The following PLCXD3 variants were observed in gnomAD, a reference collection of about 807,000 sequenced individuals.
PLCXD3 encodes phosphatidylinositol specific phospholipase C X domain containing 3, also known as PI-PLC X domain-containing protein 3.
In PLCXD3, 19 loss-of-function variants were observed where a neutral mutation model predicts 25.5. The ratio of observed to expected loss-of-function variants is 0.75; its 90% confidence interval spans 0.52 to 1.09. The LOEUF (loss-of-function observed/expected upper bound fraction) is 1.09. PLCXD3 is among the 50% of genes least tolerant of loss of function. The pLI, the probability that PLCXD3 is intolerant of heterozygous loss-of-function variation, is 0.00. For missense variants in PLCXD3, 411 were observed against 388.1 expected, an observed-to-expected ratio of 1.06 and a Z score of -0.50; for synonymous variants, 174 against 137.6, an observed-to-expected ratio of 1.26 and a Z score of -1.85.
intron 1 of PLCXD3, among the ~76,000 whole-genome samples, chr5:41,498,949 C>T (rs770498378): frequency 2.6e-5 from 4 of 151,474 alleles, no homozygotes; most frequent in Non-Finnish European, 5.9e-5. Context: ...TGATAAAATT[C>T]AACATCTTTT....
At chr5:41,410,439 G>A (rs986994612) in intron 1 of PLCXD3, among the ~76,000 whole-genome samples, 4 of 151,858 alleles carry the variant, frequency 2.6e-5, no homozygotes, top group Non-Finnish European at 4.4e-5. Flanking sequence ...CGCTGTGCCC[G>A]TCCCCCGCCC....
intron 1 of PLCXD3, among the ~76,000 whole-genome samples, chr5:41,403,401 G>GTTTGTTTTTGTT (rs1554047951): frequency 5.4e-5 from 1 of 18,412 alleles, no homozygotes. Flanking sequence ...CTTATTTGTT[G>GTTTGTTTTTGTT]TTTTTTTTTT....
intron 1 of PLCXD3, among the ~76,000 whole-genome samples, chr5:41,409,981 T>C (rs1384108928): frequency 6.6e-6 from 1 of 152,032 alleles, no homozygotes; most frequent in Non-Finnish European, 1.5e-5. Context: ...TTTCACCAAA[T>C]GAATGAATGA....
chr5:41,373,899 C>T (rs567925981), intron 2 of PLCXD3, among the ~76,000 whole-genome samples: 1 of 152,026 alleles, frequency 6.6e-6, no homozygotes, highest in Non-Finnish European at 1.5e-5. Flanking sequence ...TGCAATAATC[C>T]TAGGGTCAAA....
intron 1 of PLCXD3, among the ~76,000 whole-genome samples, chr5:41,479,912 GA>G (rs1748361658): frequency 6.6e-6 from 1 of 152,036 alleles, no homozygotes; most frequent in Non-Finnish European, 1.5e-5. Context: ...CTAGAATATA[GA>G]AACTAATTAT....
intron 1 of PLCXD3, among the ~76,000 whole-genome samples, chr5:41,490,192 T>C (rs1329398334): frequency 1.3e-5 from 2 of 152,226 alleles, no homozygotes; most frequent in African/African-American, 4.8e-5. Context: ...ATTGAGATAA[T>C]CACGTGGTTT....
intron 1 of PLCXD3, among the ~76,000 whole-genome samples, chr5:41,479,817 C>A (rs999092361): frequency 6.6e-6 from 1 of 151,044 alleles, no homozygotes; most frequent in African/African-American, 2.4e-5. Context: ...CTCAAAGAGG[C>A]AAATTCTATA....
rs576099995 is a variant in PLCXD3 at position 41,430,612 on chromosome 5, A to T, written c.104-48078T>A. The stretch of plus-strand genomic sequence containing the variant: ...CCTTCATCTGTCCAGAATCAACTTA[A>T]AAAACCTGGAAGGGAATTCTGTGAC... On this transcript the variant is annotated intron_variant, in intron 1 of 2. Coordinates refer to ENST00000377801, the MANE Select transcript of PLCXD3 (RefSeq NM_001005473.3). Among the ~76,000 whole-genome samples, 75 of 152,200 alleles carry T rather than the reference A, an allele frequency of 4.9e-4. 1 individual carries two copies. The highest frequency in any genetic ancestry group is 1.8e-3 in the African/African-American group (75 of 41,514).
chr5:41,507,536 A>G (rs1749073525), intron 1 of PLCXD3, among the ~76,000 whole-genome samples: 1 of 152,252 alleles, frequency 6.6e-6, no homozygotes, highest in Non-Finnish European at 1.5e-5. Flanking sequence ...CAAACTGCAG[A>G]GATTTGAGAA....
chr5:41,357,960 T>C (rs1230303753), intron 2 of PLCXD3, among the ~76,000 whole-genome samples: 2 of 152,194 alleles, frequency 1.3e-5, no homozygotes, highest in Admixed American at 1.3e-4. Context: ...TTATTCTCAA[T>C]GATAAAATCA....
intron 1 of PLCXD3, among the ~76,000 whole-genome samples, chr5:41,405,094 T>C (rs1746311936): frequency 6.6e-6 from 1 of 152,078 alleles, no homozygotes; most frequent in Non-Finnish European, 1.5e-5. Flanking sequence ...ATATAATACC[T>C]CCATACCTTT....
At chr5:41,490,770 C>A (rs186658700) in intron 1 of PLCXD3, among the ~76,000 whole-genome samples, 7 of 152,128 alleles carry the variant, frequency 4.6e-5, no homozygotes, top group African/African-American at 1.7e-4. Context: ...TCTGTGGGAT[C>A]GGTGGTGATA....
intron 1 of PLCXD3, among the ~76,000 whole-genome samples, chr5:41,451,712 C>T (rs1181214977): frequency 6.6e-6 from 1 of 151,568 alleles, no homozygotes; most frequent in Non-Finnish European, 1.5e-5. Flanking sequence ...AACTCACCTA[C>T]TGAAAGACAT....
At chr5:41,318,944 C>CA (rs1011665433) in intron 2 of PLCXD3, among the ~76,000 whole-genome samples, 1 of 151,628 alleles carries the variant, frequency 6.6e-6, no homozygotes, top group African/African-American at 2.4e-5. Context: ...AACAAATGAA[C>CA]AAAAAAAGCA....
chr5:41,406,404 A>C (rs1746351885), intron 1 of PLCXD3, among the ~76,000 whole-genome samples: 1 of 152,172 alleles, frequency 6.6e-6, no homozygotes, highest in Non-Finnish European at 1.5e-5. Context: ...GGTTACTATA[A>C]GCTTACATGT....
intron 1 of PLCXD3, chr5:41,456,632 G>T: frequency 1.7e-6 from 1 of 588,836 alleles, no homozygotes; most frequent in Non-Finnish European, 2.1e-6. Context: ...CTAATGTGAG[G>T]GTATTTGGAG....
chr5:41,362,116 G>A (rs951903791), intron 2 of PLCXD3, among the ~76,000 whole-genome samples: 18 of 152,126 alleles, frequency 1.2e-4, no homozygotes, highest in African/African-American at 2.7e-4. Context: ...CCATTTTTAC[G>A]TGTAAAAAGC....
At chr5:41,322,483 A>G (rs982866238) in intron 2 of PLCXD3, among the ~76,000 whole-genome samples, 2 of 152,232 alleles carry the variant, frequency 1.3e-5, no homozygotes, top group East Asian at 1.9e-4. Flanking sequence ...TACAACCACT[A>G]TGGAGAACAG....
At position 41,309,270 on chromosome 5, in the gene PLCXD3, T is replaced by C. The variant is rs1208785502; in HGVS notation, c.*4347A>G. The C allele has an allele frequency of 2.0e-5, 3 of 152,576 alleles. No homozygotes were observed. The highest frequency in any genetic ancestry group is 6.6e-5 in the Admixed American group (1 of 15,252). The allele number at this position is 152,576 out of a possible 1,614,324, so 9.5% of individuals were successfully genotyped here. ...GTTTTACAAATTCTACAGAACACTT[T>C]ATCATTATCATTGGGAAAACAAACA... On this transcript the variant is annotated 3_prime_UTR_variant, in exon 3 of 3. Transcript: ENST00000377801.
Sources: gnomAD v4.1 joint callset for allele counts (sites outside exome capture counted in the v4.1 genomes callset) on GRCh38, gnomAD v4.1.1 for gene constraint, MANE v1.5 for transcripts, NCBI Gene and HGNC (gene_info 2026-07-23, HGNC 2026-07-21) for gene names.